Variants in SLC35C1 observed in about 807,000 individuals in gnomAD.
The protein encoded by SLC35C1 is GDP-fucose transporter 1.
A neutral mutation model predicts 23.2 loss-of-function variants in SLC35C1; 8 were observed. The ratio of observed to expected loss-of-function variants is 0.35; its 90% CI spans 0.20 to 0.62. The LOEUF (loss-of-function observed/expected upper bound fraction) is 0.62, where lower values mean the gene tolerates loss of function less well. Among genes scored for constraint, SLC35C1 ranks in the 20% least tolerant of loss-of-function variants. SLC35C1 has a pLI of 0.75. For synonymous variants in SLC35C1, 226 were observed against 225.1 expected (o/e 1.00, Z -0.04); for missense variants, 422 against 478.6 (o/e 0.88, Z 1.10).
chr11:45,804,253 T>A (rs1343105777), upstream of SLC35C1: 1 of 154,060 alleles, frequency 6.5e-6, no homozygotes, highest in East Asian at 1.9e-4. Context: ...GATCACCGCC[T>A]CTCCGCCGGC....
chr11:45,812,525 C>A lies in SLC35C1; in HGVS notation c.*1190C>A, dbSNP rs969968633. The A allele has an allele frequency of 1.3e-5, 6 of 455,996 alleles. No individual in the cohort carries two copies. The highest frequency in any genetic ancestry group is 1.0e-4 in the African/African-American group (5 of 50,186). 28.2% of individuals were successfully genotyped at this position (455,996 alleles called of 1,614,324 possible). ...TCAAGAGGCCAGCAGATTCGGACTCCGCTGAGGGCTGTTTCCCGATCCATA... is the reference window on the plus strand; with the variant it reads ...TCAAGAGGCCAGCAGATTCGGACTCAGCTGAGGGCTGTTTCCCGATCCATA... On this transcript the variant is annotated 3_prime_UTR_variant, in exon 2 of 2. Coordinates refer to ENST00000314134, the MANE Select transcript of SLC35C1 (RefSeq NM_018389.5).
rs185034327 is a variant in SLC35C1, at chr11:45,808,925, C to T, written c.536-1851C>T. 3.2e-4 allele frequency among the ~76,000 whole-genome samples: 49 copies of T among 152,338 alleles called. 2 individuals are homozygous for T. The East Asian group carries it at 7.1e-3, about 22-fold the overall frequency. ...GGCTGAGGCACGAGAATCGCTTGAA[C>T]CCAGGAGGCGAAGGTTGCAGTGAGC... On this transcript the variant is annotated intron_variant, in intron 1 of 1. Transcript: ENST00000314134.
chr11:45,807,891 C>T (rs951879134), intron 1 of SLC35C1, among the ~76,000 whole-genome samples: 1 of 152,134 alleles, frequency 6.6e-6, no homozygotes, highest in African/African-American at 2.4e-5. Context: ...TTCCTGCTGA[C>T]CCTGCCAGGA....
Position 45,812,608 on chromosome 11 carries a change from C to G in SLC35C1, c.*1273C>G. ...GAAGCACAAACAAGCAAGCTCCTTCCTGCCTCTTTTATAAGGACTCCAACC... is the reference window on the plus strand; with the variant it reads ...GAAGCACAAACAAGCAAGCTCCTTCGTGCCTCTTTTATAAGGACTCCAACC... On this transcript the variant is annotated 3_prime_UTR_variant, in exon 2 of 2. Coordinates refer to ENST00000314134, the MANE Select transcript of SLC35C1 (RefSeq NM_018389.5). The G allele has an allele frequency of 2.2e-6, 1 of 456,064 alleles. No individual in the cohort carries two copies. Among genetic ancestry groups the G allele is most frequent in the Admixed American group, 2.3e-5 (1 of 42,576 alleles). The allele number at this position is 456,064 out of a possible 1,614,324, so 28.3% of individuals were successfully genotyped here. A position where few individuals can be genotyped will look rare whatever the true frequency, so the allele number is the denominator to read the frequency against.
intron 1 of SLC35C1, chr11:45,806,969 G>A: frequency 1.2e-6 from 1 of 863,212 alleles, no homozygotes; most frequent in Non-Finnish European, 1.4e-6. Context: ...CTGTCTTCCT[G>A]GACTTGACCC....
Position 45,811,706 on chromosome 11 carries a change from A to G in SLC35C1, c.*371A>G, listed in dbSNP as rs1235502367. On this transcript the variant is annotated 3_prime_UTR_variant, in exon 2 of 2. Coordinates refer to ENST00000314134, the MANE Select transcript of SLC35C1 (RefSeq NM_018389.5). ...AGGGACAGGCAACAACCTTGAAGGG[A>G]CAGCAATGGCAAAGCCACAAAGGCT... 1 of 194,160 alleles carries G rather than the reference A, an allele frequency of 5.2e-6. No homozygotes were observed. The highest frequency in any genetic ancestry group is 1.2e-4 in the East Asian group (1 of 8,356). 12.0% of individuals were successfully genotyped at this position (194,160 alleles called of 1,614,324 possible). A position where few individuals can be genotyped will look rare whatever the true frequency, so the allele number is the denominator to read the frequency against.
intron 1 of SLC35C1, 153 bp from the exon 2 acceptor site, chr11:45,810,621 ACT>A (rs1179742881): frequency 2.0e-6 from 2 of 984,608 alleles, no homozygotes; most frequent in South Asian, 4.7e-5. Context: ...TGCAGTGGAG[ACT>A]CTGGCTGTGC....
In SLC35C1 at chr11:45,805,298, C is replaced by T; in HGVS notation, c.-504C>T. 3.8e-6 allele frequency: 4 copies of T among 1,041,482 alleles called. No individual in the cohort carries two copies. The South Asian group carries it at 1.3e-4, about 33-fold the overall frequency. 64.5% of individuals were successfully genotyped at this position (1,041,482 alleles called of 1,614,324 possible). ...CCGCAGCCCTCCCTCCAGCCGCGCC[C>T]GGCCTCCGGCAGCTCCCTGTACGCC... is the stretch of plus-strand genomic sequence containing the variant. On this transcript the variant is annotated 5_prime_UTR_variant, in exon 1 of 2. Coordinates refer to ENST00000314134, the MANE Select transcript of SLC35C1 (RefSeq NM_018389.5).
At chr11:45,809,236 T>C (rs1289587229) in intron 1 of SLC35C1, among the ~76,000 whole-genome samples, 4 of 152,144 alleles carry the variant, frequency 2.6e-5, no homozygotes, top group African/African-American at 9.7e-5. Flanking sequence ...ACAGTTACGC[T>C]AGCATAGTAA....
In SLC35C1 at chr11:45,811,055, T is replaced by C. The variant is rs200318351; in HGVS notation, c.815T>C (p.Leu272Pro). The C allele has an allele frequency of 1.9e-6, 3 of 1,613,088 alleles. No individual in the cohort carries two copies. The highest frequency in any genetic ancestry group is 1.7e-6 in the Non-Finnish European group (2 of 1,180,038). ...GCCCACTTCTGGGGGATGATGACGC[T>C]GGGCGGCCTGTTTGGCTTTGCCATC... Reference protein sequence around the residue: ...GSAHFWGMMTLGGLFGFAIGY... With the variant: ...GSAHFWGMMTPGGLFGFAIGY... Residue 272 changes from leucine (L) to proline (P), a missense_variant, in exon 2 of 2, where the codon CTG becomes CCG. Transcript: ENST00000314134.
In SLC35C1 at chr11:45,806,131, C is replaced by G. The variant is rs374967002; in HGVS notation, c.330C>G (p.Asp110Glu). Residue 110 changes from aspartate (D) to glutamate (E), a missense_variant, in exon 1 of 2, where the codon GAC becomes GAG. Asp to Glu is a conservative substitution (Grantham distance 45). Coordinates refer to ENST00000314134, the MANE Select transcript of SLC35C1 (RefSeq NM_018389.5). ...TGGACTTCCCCAGCTTGCGCCTGGA[C>G]CTCAGGGTGGCCCGCAGCGTCCTGC... ...GAVDFPSLRL[D>E]LRVARSVLPL... The G allele has an allele frequency of 1.2e-6, 2 of 1,608,396 alleles. No homozygotes were observed. Among genetic ancestry groups the G allele is most frequent in the Non-Finnish European group, 1.7e-6 (2 of 1,179,978 alleles).
chr11:45,810,381 T>C, intron 1 of SLC35C1: 2 of 985,440 alleles, frequency 2.0e-6, no homozygotes, highest in Non-Finnish European at 2.4e-6. Context: ...TCTTCAGAAC[T>C]CAGTTCAACT....
At chr11:45,804,615 G>C (rs1025796768), upstream of SLC35C1, 8 of 985,768 alleles carry the variant, frequency 8.1e-6, no homozygotes, top group Non-Finnish European at 9.6e-6. Context: ...TCCGAGAGAG[G>C]CGGCGTGGCC....
At chr11:45,809,158 C>T (rs1369807220) in intron 1 of SLC35C1, among the ~76,000 whole-genome samples, 1 of 152,198 alleles carries the variant, frequency 6.6e-6, no homozygotes, top group African/African-American at 2.4e-5. Flanking sequence ...GGCACCATGC[C>T]AGGCTTTGGG....
In SLC35C1 at chr11:45,812,525, C is replaced by T. The variant is rs969968633; in HGVS notation, c.*1190C>T. 4.4e-6 allele frequency: 2 copies of T among 455,996 alleles called. No homozygotes were observed. The highest frequency in any genetic ancestry group is 4.4e-6 in the Non-Finnish European group (1 of 226,744). 28.2% of individuals were successfully genotyped at this position (455,996 alleles called of 1,614,324 possible). ...TCAAGAGGCCAGCAGATTCGGACTCCGCTGAGGGCTGTTTCCCGATCCATA... is the reference window on the plus strand; with the variant it reads ...TCAAGAGGCCAGCAGATTCGGACTCTGCTGAGGGCTGTTTCCCGATCCATA... On this transcript the variant is annotated 3_prime_UTR_variant, in exon 2 of 2. Transcript: ENST00000314134.
intron 1 of SLC35C1, chr11:45,809,953 C>T (rs902092881): frequency 1.3e-5 from 13 of 984,836 alleles, no homozygotes; most frequent in African/African-American, 1.2e-4. Flanking sequence ...GAAAGGATTC[C>T]CCAGGAGAAG....
upstream of SLC35C1, chr11:45,805,024 G>A: frequency 1.0e-6 from 1 of 985,816 alleles, no homozygotes; most frequent in Non-Finnish European, 1.2e-6. Flanking sequence ...GCGGGGCTGG[G>A]GACTGGCGAA....
chr11:45,805,982 T>C lies in SLC35C1; in HGVS notation c.181T>C (p.Tyr61His). 6.2e-7 allele frequency: 1 copy of C among 1,614,068 alleles called. No individual in the cohort carries two copies. The highest frequency in any genetic ancestry group is 8.5e-7 in the Non-Finnish European group (1 of 1,179,994). ...CATCTCCATGGTGTTCCTTAATAAG[T>C]ACCTGCTGGACAGCCCCTCCCTGCG... ...TSISMVFLNK[Y>H]LLDSPSLRLD... The change falls in exon 1 of 2, where the codon TAC becomes CAC. Residue 61 changes from tyrosine (Y) to histidine (H), a missense_variant. Coordinates refer to ENST00000314134, the MANE Select transcript of SLC35C1 (RefSeq NM_018389.5).
At position 45,806,109 on chromosome 11, in the gene SLC35C1, A is replaced by G; in HGVS notation, c.308A>G (p.Asp103Gly). 1 of 1,609,518 alleles carries G rather than the reference A, an allele frequency of 6.2e-7. No homozygotes were observed. Among genetic ancestry groups the G allele is most frequent in the Non-Finnish European group, 8.5e-7 (1 of 1,179,900 alleles). ...ALAACCPGAV[D>G]FPSLRLDLRV... ...GCCGCCTGCTGCCCTGGTGCCGTGG[A>G]CTTCCCCAGCTTGCGCCTGGACCTC... Residue 103 changes from aspartate (D) to glycine (G), a missense_variant, in exon 1 of 2, where the codon GAC becomes GGC. Asp to Gly is a moderately conservative substitution (Grantham distance 94, BLOSUM62 -1). Transcript: ENST00000314134.
Sources: allele counts gnomAD v4.1 joint callset (sites outside exome capture counted in the v4.1 genomes callset), GRCh38; gene constraint gnomAD v4.1.1; transcripts MANE v1.5; gene names NCBI Gene and HGNC (gene_info 2026-07-23, HGNC 2026-07-21).